Variants in SCAPER observed in about 807,000 individuals in gnomAD.
SCAPER encodes S phase cyclin A-associated protein in the endoplasmic reticulum.
A neutral mutation model predicts 182.2 loss-of-function variants in SCAPER; 98 were observed. The ratio of observed to expected loss-of-function variants is 0.54; its 90% confidence interval spans 0.46 to 0.64. The LOEUF (loss-of-function observed/expected upper bound fraction) is 0.64. Ranked by LOEUF, SCAPER falls within the 30% of genes least tolerant of loss-of-function variation. The pLI, the probability that SCAPER is intolerant of heterozygous loss-of-function variation, is 0.00. For missense variants in SCAPER, 1,432 were observed against 1,690.0 expected (o/e 0.85, Z 2.68); for synonymous variants, 605 against 564.6 (o/e 1.07, Z -1.01).
intron 31 of SCAPER, chr15:76,349,348 T>A (rs533990577): frequency 2.7e-4 from 39 of 146,158 alleles, no homozygotes; most frequent in African/African-American, 8.3e-4. Flanking sequence ...AATGTAGTTT[T>A]AAGTATATCT....
intron 22 of SCAPER, among the ~76,000 whole-genome samples, chr15:76,578,730 T>C (rs2048041726): frequency 6.6e-6 from 1 of 152,220 alleles, no homozygotes; most frequent in Non-Finnish European, 1.5e-5. Flanking sequence ...TTTGGATACC[T>C]GGAAAACATT....
chr15:76,545,305 A>G (rs1255328250), intron 23 of SCAPER, among the ~76,000 whole-genome samples: 1 of 152,170 alleles, frequency 6.6e-6, no homozygotes, highest in Non-Finnish European at 1.5e-5. Flanking sequence ...AACTGGCACA[A>G]GAAAATATCT....
At chr15:76,689,060 G>A (rs2058201509) in intron 20 of SCAPER, among the ~76,000 whole-genome samples, 1 of 151,852 alleles carries the variant, frequency 6.6e-6, no homozygotes, top group Non-Finnish European at 1.5e-5. Flanking sequence ...ATGTTAGCCA[G>A]GATGGTCTCG....
At chr15:76,559,156 T>C (rs2046405640) in intron 23 of SCAPER, among the ~76,000 whole-genome samples, 1 of 151,470 alleles carries the variant, frequency 6.6e-6, no homozygotes, top group South Asian at 2.1e-4. Flanking sequence ...TGCCTTAGCC[T>C]GCTGAGTAGC....
intron 22 of SCAPER, among the ~76,000 whole-genome samples, chr15:76,617,842 C>T (rs1227857099): frequency 6.6e-6 from 1 of 152,224 alleles, no homozygotes; most frequent in Non-Finnish European, 1.5e-5. Context: ...CAAAGTTCTA[C>T]TGCAAAGGGG....
chr15:76,702,944 G>A lies in SCAPER; in HGVS notation c.2306C>T (p.Ala769Val). ...EQIEQRKEKA[A>V]ELSSGRHANT... ...TGCATGTCGCCCACTGCTTAGCTCAGCAGCTTTTTCTTTTCTTTGTTCAAT... is the reference window on the plus strand; with the variant it reads ...TGCATGTCGCCCACTGCTTAGCTCAACAGCTTTTTCTTTTCTTTGTTCAAT... Residue 769 changes from alanine to valine, a missense_variant, in exon 19 of 32, where the codon GCT becomes GTT. By Grantham distance (64) the Ala-to-Val change is moderately conservative. This residue lies in a region of SCAPER where 718 missense variants were observed against 799.7 expected (regional missense o/e 0.90). Transcript: ENST00000563290. 1 of 1,610,042 alleles carries A rather than the reference G, an allele frequency of 6.2e-7. No individual in the cohort carries two copies. The highest frequency in any genetic ancestry group is 1.1e-5 in the South Asian group (1 of 89,900).
intron 8 of SCAPER, among the ~76,000 whole-genome samples, chr15:76,784,704 C>T (rs190624049): frequency 7.9e-5 from 12 of 152,266 alleles, no homozygotes; most frequent in African/African-American, 2.9e-4. Context: ...ACCAATGGAA[C>T]AGAACAGAGG....
intron 23 of SCAPER, chr15:76,567,453 G>T: frequency 2.5e-6 from 1 of 397,018 alleles, no homozygotes; most frequent in Non-Finnish European, 5.1e-6. Context: ...GTAGACAACA[G>T]CAGACTGTTT....
chr15:76,867,258 C>T (rs946913518), intron 2 of SCAPER, among the ~76,000 whole-genome samples: 1 of 152,128 alleles, frequency 6.6e-6, no homozygotes, highest in Non-Finnish European at 1.5e-5. Context: ...ACTATCTGCC[C>T]ATAAAATGAA....
chr15:76,605,037 T>C (rs2050257663), intron 22 of SCAPER, among the ~76,000 whole-genome samples: 1 of 152,228 alleles, frequency 6.6e-6, no homozygotes, highest in Non-Finnish European at 1.5e-5. Context: ...CTGATTGCCC[T>C]GGCCAGAATT....
At chr15:76,868,928 T>C (rs1446109366) in intron 2 of SCAPER, among the ~76,000 whole-genome samples, 1 of 151,990 alleles carries the variant, frequency 6.6e-6, no homozygotes, top group East Asian at 1.9e-4. Flanking sequence ...CACAGACCAA[T>C]GGAACAGAAT....
At chr15:76,809,885 G>T (rs1368598415) in intron 5 of SCAPER, among the ~76,000 whole-genome samples, 2 of 152,112 alleles carry the variant, frequency 1.3e-5, no homozygotes, top group South Asian at 4.1e-4. Context: ...ACACACAGGG[G>T]CCCCCATAAC....
At chr15:76,587,831 A>C (rs916024646) in intron 22 of SCAPER, among the ~76,000 whole-genome samples, 2 of 151,936 alleles carry the variant, frequency 1.3e-5, no homozygotes, top group African/African-American at 4.8e-5. Flanking sequence ...TTCCTTGTTG[A>C]CTTTCTGTCT....
At chr15:76,856,741 A>G (rs1022280336) in intron 4 of SCAPER, among the ~76,000 whole-genome samples, 2 of 152,024 alleles carry the variant, frequency 1.3e-5, no homozygotes, top group Admixed American at 6.6e-5. Flanking sequence ...AGTGGTGTAC[A>G]CTTGTGGTCC....
intron 22 of SCAPER, among the ~76,000 whole-genome samples, chr15:76,590,085 C>A (rs1427648908): frequency 6.6e-6 from 1 of 152,152 alleles, no homozygotes; most frequent in Non-Finnish European, 1.5e-5. Flanking sequence ...TCTGTGGATT[C>A]TCTCGGCTTT....
chr15:76,670,097 T>C (rs1433976651), intron 20 of SCAPER, among the ~76,000 whole-genome samples: 2 of 152,076 alleles, frequency 1.3e-5, no homozygotes, highest in African/African-American at 2.4e-5. Flanking sequence ...TTTTAAAATC[T>C]CAAACCAGAG....
intron 15 of SCAPER, among the ~76,000 whole-genome samples, chr15:76,750,148 C>T (rs1360584705): frequency 2.0e-5 from 3 of 151,242 alleles, no homozygotes; most frequent in Non-Finnish European, 4.4e-5. Flanking sequence ...TCTTAAACAA[C>T]TGGTGCTGGA....
At position 76,775,003 on chromosome 15, in the gene SCAPER, T is replaced by C. The variant is rs1372610459; in HGVS notation, c.887A>G (p.Asp296Gly). 6.2e-7 allele frequency: 1 copy of C among 1,613,900 alleles called. No homozygotes were observed. The highest frequency in any genetic ancestry group is 1.7e-5 in the Admixed American group (1 of 60,034). Reference sequence around the variant, plus strand: ...ACATACATTTTCTTTATCACTGTCATCCTTTGATCTTGTGGCTTCTGTTGC... The same window carrying C: ...ACATACATTTTCTTTATCACTGTCACCCTTTGATCTTGTGGCTTCTGTTGC... ...SLATEATRSK[D>G]DSDKENVCLL... The change falls in exon 9 of 32, where the codon GAT (aspartate) becomes GGT (glycine). Residue 296 changes from aspartate (D) to glycine (G), a missense_variant. Asp to Gly is a moderately conservative substitution (Grantham distance 94). Transcript: ENST00000563290.
At chr15:76,634,423 A>G (rs1567658148) in intron 21 of SCAPER, among the ~76,000 whole-genome samples, 2 of 152,176 alleles carry the variant, frequency 1.3e-5, no homozygotes, top group East Asian at 1.9e-4. Flanking sequence ...CTATTCAGCC[A>G]TCTTGGCTGC....
Sources: gnomAD v4.1 joint callset for allele counts (sites outside exome capture counted in the v4.1 genomes callset) on GRCh38, gnomAD v4.1.1 for gene constraint, gnomAD v4.1.1 regional missense constraint, MANE v1.5 for transcripts, NCBI Gene and HGNC (gene_info 2026-07-23, HGNC 2026-07-21) for gene names.